TARS1: variants seen among roughly 807,000 people sequenced by gnomAD.
The protein encoded by TARS1 is threonyl-tRNA synthetase 1, also known as threonine--tRNA ligase 1, cytoplasmic.
Under a neutral mutation model 97.7 loss-of-function variants are expected in TARS1, and 57 were observed. The ratio of observed to expected loss-of-function variants is 0.58; its 90% CI spans 0.47 to 0.73. The LOEUF is 0.73. Among genes scored for constraint, TARS1 ranks in the 30% least tolerant of loss-of-function variants. The pLI, the probability that TARS1 is intolerant of heterozygous loss-of-function variation, is 0.00. For synonymous variants in TARS1, 312 were observed against 293.7 expected (o/e 1.06, Z -0.64); for missense variants, 806 against 888.3 (o/e 0.91, Z 1.18).
rs979009837 is a variant in TARS1 at position 33,468,003 on chromosome 5, T to G, written c.*295T>G. The G allele has an allele frequency of 2.4e-5, 6 of 254,638 alleles. No individual in the cohort carries two copies. Among genetic ancestry groups the G allele is most frequent in the Admixed American group, 1.1e-4 (2 of 18,768 alleles). 15.8% of individuals were successfully genotyped at this position (254,638 alleles called of 1,614,324 possible). A position where few individuals can be genotyped will look rare whatever the true frequency, so the allele number is the denominator to read the frequency against. On this transcript the variant is annotated 3_prime_UTR_variant, in exon 19 of 19. Transcript: ENST00000265112. ...AATGTGGGAGAACTTTTTTGTAAAT[T>G]TAATGCAATTGAAAAAGTTTTCAAA...
intron 13 of TARS1, 123 bp from the exon 14 acceptor site, chr5:33,461,544 A>G: frequency 9.1e-7 from 1 of 1,097,708 alleles, no homozygotes; most frequent in Non-Finnish European, 1.3e-6. Context: ...GTTCAGGTGG[A>G]CAAAATTCTA....
chr5:33,462,650 A>G (rs189712345), intron 16 of TARS1, among the ~76,000 whole-genome samples: 4 of 152,344 alleles, frequency 2.6e-5, no homozygotes, highest in Admixed American at 2.6e-4. Context: ...TTTTTAAAAC[A>G]GATGCCAAAC....
intron 9 of TARS1, 26 bp from the exon 10 acceptor site, chr5:33,458,540 C>T (rs1300511421): frequency 1.9e-6 from 3 of 1,591,498 alleles, no homozygotes; most frequent in African/African-American, 2.7e-5. Context: ...CGTACATAAA[C>T]ATTCTTTTGC....
chr5:33,454,989 A>C lies in TARS1; in HGVS notation c.498A>C (p.Glu166Asp), dbSNP rs551880861. 3.1e-6 allele frequency: 5 copies of C among 1,613,764 alleles called. No individual in the cohort carries two copies. Among genetic ancestry groups the C allele is most frequent in the Non-Finnish European group, 4.2e-6 (5 of 1,179,892 alleles). Residue 166 changes from glutamate (E) to aspartate (D), a missense_variant, in exon 5 of 19, where the codon GAA becomes GAC. Around this residue, in one of 3 missense-constraint regions of TARS1, gnomAD observed 356 missense variants for 357.8 expected, o/e 0.99. Coordinates refer to ENST00000265112, the MANE Select transcript of TARS1 (RefSeq NM_152295.5). ...SSAHIMGEAM[E>D]RVYGGCLCYG... is the part of the protein sequence containing the mutation. ...CTCACATAATGGGTGAAGCCATGGAAAGAGTCTATGGTGGATGTTTATGCT... is the reference window on the plus strand; with the variant it reads ...CTCACATAATGGGTGAAGCCATGGACAGAGTCTATGGTGGATGTTTATGCT...
chr5:33,455,053 T>G lies in TARS1; in HGVS notation c.562T>G (p.Tyr188Asp), dbSNP rs1376299528. The part of the protein sequence containing the change: ...PIENGFYYDM[Y>D]LEEGGVSSND... ...AGAAAATGGATTCTATTATGACATGTACCTCGAAGAAGGGTAAGCCATCAA... is the reference window on the plus strand; with the variant it reads ...AGAAAATGGATTCTATTATGACATGGACCTCGAAGAAGGGTAAGCCATCAA... The change falls in exon 5 of 19, where the codon TAC becomes GAC. Residue 188 changes from tyrosine (Y) to aspartate (D), a missense_variant. Coordinates refer to ENST00000265112, the MANE Select transcript of TARS1 (RefSeq NM_152295.5). 6.2e-7 allele frequency: 1 copy of G among 1,613,608 alleles called. No individual in the cohort carries two copies. The highest frequency in any genetic ancestry group is 1.3e-5 in the African/African-American group (1 of 74,862).
In TARS1 at chr5:33,456,156, C is replaced by G. The variant is rs1479400845; in HGVS notation, c.766C>G (p.Pro256Ala). Reference protein sequence around the residue: ...TPTTTVYRCGPLIDLCRGPHV... With the variant: ...TPTTTVYRCGALIDLCRGPHV... ...CTTTCATTTTATCTTTAGATGTGGC[C>G]CTTTGATAGATCTCTGCCGGGGTCC... is the stretch of plus-strand genomic sequence containing the variant. Residue 256 changes from proline (P) to alanine (A), a missense_variant, in exon 8 of 19, where the codon CCT becomes GCT. Pro to Ala is a conservative substitution (Grantham distance 27). Transcript: ENST00000265112. The G allele has an allele frequency of 6.2e-7, 1 of 1,613,704 alleles. No homozygotes were observed. Among genetic ancestry groups the G allele is most frequent in the South Asian group, 1.1e-5 (1 of 91,060 alleles).
Position 33,467,618 on chromosome 5 carries a change from G to A in TARS1, c.2082G>A (p.Lys694=). The change falls in exon 19 of 19, where the codon AAG becomes AAA. Residue 694 remains lysine (K), a synonymous_variant. Coordinates refer to ENST00000265112, the MANE Select transcript of TARS1 (RefSeq NM_152295.5). ...TTAATATCCGCACAAGAGACAATAA[G>A]GTCCACGGGGAACGCACCATTTCTG... is the stretch of plus-strand genomic sequence containing the variant. ...GTVNIRTRDN[K]VHGERTISET... 6.2e-7 allele frequency: 1 copy of A among 1,613,970 alleles called. No individual in the cohort carries two copies. The highest frequency in any genetic ancestry group is 8.5e-7 in the Non-Finnish European group (1 of 1,179,912).
rs75319890 is a variant in TARS1 at position 33,455,710 on chromosome 5, T to C, written c.693+6T>C. 0.018 allele frequency: 28,686 copies of C among 1,577,344 alleles called. 344 individuals carry two copies. The highest frequency in any genetic ancestry group is 0.02 in the Non-Finnish European group (22,604 of 1,147,802). On this transcript the variant is annotated splice_donor_region_variant and intron_variant, in intron 6 of 18. Transcript: ENST00000265112. ...CTTTACTGGCAATGTTTAAGGTAAA[T>C]TGAACCATAGTGCGTGGCCCCCACT...
At chr5:33,453,202 A>G in intron 3 of TARS1, 87 bp from the exon 4 acceptor site, 1 of 1,329,840 alleles carries the variant, frequency 7.5e-7, no homozygotes, top group East Asian at 2.7e-5. Flanking sequence ...AATATATAAT[A>G]AAAATAGTGT....
At position 33,454,934 on chromosome 5, in the gene TARS1, T is replaced by A; in HGVS notation, c.454-11T>A. ...AGACTCAGACCATGCCATTTTTCTT[T>A]AAATTTTCAGGTGTATTGGCACTCT... On this transcript the variant is annotated splice_polypyrimidine_tract_variant and intron_variant, in intron 4 of 18. Coordinates refer to ENST00000265112, the MANE Select transcript of TARS1 (RefSeq NM_152295.5). 4.3e-6 allele frequency: 7 copies of A among 1,612,420 alleles called. No individual in the cohort carries two copies. Among genetic ancestry groups the A allele is most frequent in the Non-Finnish European group, 5.9e-6 (7 of 1,179,254 alleles).
chr5:33,452,058 ACTTTCTGTTTG>A (rs1342648722), intron 3 of TARS1, among the ~76,000 whole-genome samples: 6 of 152,158 alleles, frequency 3.9e-5, no homozygotes, highest in Admixed American at 2.6e-4. Context: ...TTTGTTGTTT[ACTTTCTGTTTG>A]GTTCTTTTCT....
At chr5:33,463,712 A>C (rs377268589) in intron 16 of TARS1, 41 bp from the exon 17 acceptor site, 2 of 1,526,240 alleles carry the variant, frequency 1.3e-6, no homozygotes, top group Non-Finnish European at 1.8e-6. Flanking sequence ...TTTAGTGAAT[A>C]TGCCCACATC....
At chr5:33,446,617 A>G (rs1032566708) in intron 2 of TARS1, 1 of 1,238,988 alleles carries the variant, frequency 8.1e-7, no homozygotes, top group Non-Finnish European at 1.1e-6. Context: ...GGCAACTTGC[A>G]GGTTTTATTC....
At chr5:33,443,592 C>A (rs1485920541) in intron 1 of TARS1, among the ~76,000 whole-genome samples, 1 of 151,318 alleles carries the variant, frequency 6.6e-6, no homozygotes, top group Non-Finnish European at 1.5e-5. Flanking sequence ...TCCCGGGTTC[C>A]AGCCATTCTC....
rs1391766251 is a variant in TARS1 at position 33,458,589 on chromosome 5, T to C, written c.1008T>C (p.His336=). 3.7e-6 allele frequency: 6 copies of C among 1,613,446 alleles called. No homozygotes were observed. The South Asian group carries it at 5.5e-5, about 15-fold the overall frequency. ...AGGACCAAGAACTATATTTCTTTCA[T>C]GAACTCAGCCCTGGAAGTTGCTTTT... The part of the protein sequence containing the change: ...IGRDQELYFF[H]ELSPGSCFFL... The change falls in exon 10 of 19, where the codon CAT becomes CAC. Residue 336 remains histidine (H), a synonymous_variant. Transcript: ENST00000265112.
At chr5:33,462,066 A>C (rs201425463) in intron 15 of TARS1, 33 bp from the exon 16 acceptor site, 10 of 1,601,974 alleles carry the variant, frequency 6.2e-6, no homozygotes, top group Non-Finnish European at 6.8e-6. Flanking sequence ...AAATATATAT[A>C]ATAAGACAAA....
rs1406783469 is a variant in TARS1 at position 33,463,752 on chromosome 5, G to C, written c.1836-1G>C. 1 of 1,610,414 alleles carries C rather than the reference G, an allele frequency of 6.2e-7. No individual in the cohort carries two copies. Among genetic ancestry groups the C allele is most frequent in the East Asian group, 2.2e-5 (1 of 44,856 alleles). ...CTGAATATTTTTATTCTCTTCCAAA[G>C]GCCCTTTTGGCTGTCCCCTCGCCAG... On this transcript the variant is annotated splice_acceptor_variant, in intron 16 of 18. Transcript: ENST00000265112. LOFTEE classifies it high-confidence loss of function.
Position 33,467,683 on chromosome 5 carries a change from G to A in TARS1, c.2147G>A (p.Ser716Asn). Residue 716 changes from serine to asparagine, a missense_variant, in exon 19 of 19, where the codon AGC (serine) becomes AAC (asparagine). Ser to Asn is a conservative substitution (Grantham distance 46). Coordinates refer to ENST00000265112, the MANE Select transcript of TARS1 (RefSeq NM_152295.5). ...ERLQQLKEFR[S>N]KQAEEEF The stretch of plus-strand genomic sequence containing the variant: ...CTACAGCAGCTCAAAGAGTTCCGCA[G>A]CAAACAGGCAGAAGAAGAATTTTAA... The A allele has an allele frequency of 6.2e-7, 1 of 1,612,426 alleles. No homozygotes were observed. The highest frequency in any genetic ancestry group is 1.3e-5 in the African/African-American group (1 of 74,934).
chr5:33,453,263 C>CTTTTTTT (rs35931457), intron 3 of TARS1, 26 bp from the exon 4 acceptor site: 2 of 1,342,534 alleles, frequency 1.5e-6, no homozygotes, highest in Non-Finnish European at 9.6e-7. Flanking sequence ...TATGTGTGGA[C>CTTTTTTT]TTTTTTTTTT....
Sources: gnomAD v4.1 joint callset for allele counts (sites outside exome capture counted in the v4.1 genomes callset) on GRCh38, gnomAD v4.1.1 for gene constraint, gnomAD v4.1.1 regional missense constraint, MANE v1.5 for transcripts, NCBI Gene and HGNC (gene_info 2026-07-23, HGNC 2026-07-21) for gene names.